The following WASF1 variants were observed in gnomAD, a reference collection of about 807,000 sequenced individuals.
WASF1 encodes actin-binding protein WASF1.
A neutral mutation model predicts 50.5 loss-of-function variants in WASF1; 7 were observed. That is an observed-to-expected ratio of 0.14 (90% confidence interval 0.08 to 0.26). WASF1 has a LOEUF of 0.26. Ranked by LOEUF, WASF1 falls within the 10% of genes least tolerant of loss-of-function variation. The pLI is 1.00. For missense variants in WASF1, 470 were observed against 694.7 expected (o/e 0.68, Z 3.64); for synonymous variants, 205 against 244.0 (o/e 0.84, Z 1.49).
At chr6:110,138,726 T>A (rs1169527680) in intron 3 of WASF1, among the ~76,000 whole-genome samples, 2 of 152,192 alleles carry the variant, frequency 1.3e-5, no homozygotes, top group East Asian at 3.8e-4. Flanking sequence ...AATGTCTGTG[T>A]GAATCTGGCT....
chr6:110,146,915 T>G (rs1350949280), intron 3 of WASF1, among the ~76,000 whole-genome samples: 1 of 152,052 alleles, frequency 6.6e-6, no homozygotes, highest in Non-Finnish European at 1.5e-5. Flanking sequence ...AAAACCAATT[T>G]AGGTACTCAC....
chr6:110,150,303 T>C (rs1295161548), intron 3 of WASF1, among the ~76,000 whole-genome samples: 2 of 152,056 alleles, frequency 1.3e-5, no homozygotes, highest in East Asian at 3.9e-4. Flanking sequence ...AATGAACATA[T>C]AGCTAAGGTC....
chr6:110,169,393 C>T (rs960745126), intron 2 of WASF1, among the ~76,000 whole-genome samples: 2 of 152,124 alleles, frequency 1.3e-5, no homozygotes, highest in Non-Finnish European at 1.5e-5. Context: ...GTAACAGCAC[C>T]AAATCACTTA....
At chr6:110,122,497 T>C (rs1287429259) in intron 4 of WASF1, among the ~76,000 whole-genome samples, 2 of 152,174 alleles carry the variant, frequency 1.3e-5, no homozygotes, top group South Asian at 4.1e-4. Flanking sequence ...TGTGCCCACC[T>C]CTACTACTTC....
At chr6:110,116,706 G>A in intron 4 of WASF1, among the ~76,000 whole-genome samples, 1 of 152,150 alleles carries the variant, frequency 6.6e-6, no homozygotes, top group East Asian at 1.9e-4. Flanking sequence ...CTCCGAGAAC[G>A]GACAGACTGC....
intron 3 of WASF1, among the ~76,000 whole-genome samples, chr6:110,145,283 T>C (rs964278576): frequency 1.3e-5 from 2 of 152,218 alleles, no homozygotes; most frequent in Non-Finnish European, 2.9e-5. Flanking sequence ...TGTATAAGAA[T>C]GCTTGTGATT....
chr6:110,144,629 T>C lies in WASF1; in HGVS notation c.-29+16006A>G, dbSNP rs958398929. On this transcript the variant is annotated intron_variant, in intron 3 of 10. Coordinates refer to ENST00000392589, the MANE Select transcript of WASF1 (RefSeq NM_003931.3). ...GTGTAAGTCTTTAATCCATCTTGAA[T>C]TAATTTTTGTATAAGGTGTAAGGAA... Among the ~76,000 whole-genome samples, 11 of 152,330 alleles carry C rather than the reference T, an allele frequency of 7.2e-5. 1 individual carries two copies. Among genetic ancestry groups the C allele is most frequent in the African/African-American group, 2.4e-4 (10 of 41,572 alleles).
At chr6:110,144,320 T>C (rs929662183) in intron 3 of WASF1, among the ~76,000 whole-genome samples, 11 of 152,230 alleles carry the variant, frequency 7.2e-5, no homozygotes, top group Admixed American at 3.9e-4. Flanking sequence ...GTTTGTTTTT[T>C]TCTTGTAAAT....
chr6:110,129,770 A>G (rs550429890), intron 3 of WASF1, among the ~76,000 whole-genome samples: 2 of 152,344 alleles, frequency 1.3e-5, no homozygotes, highest in Non-Finnish European at 2.9e-5. Flanking sequence ...ATTGATTCCA[A>G]TATCTTCAAT....
chr6:110,111,414 A>G (rs1389657567), intron 5 of WASF1, among the ~76,000 whole-genome samples: 1 of 152,160 alleles, frequency 6.6e-6, no homozygotes, highest in African/African-American at 2.4e-5. Flanking sequence ...TGCAAATCAT[A>G]TATTTGATAA....
At chr6:110,121,325 TAAAC>T (rs1250231887) in intron 4 of WASF1, among the ~76,000 whole-genome samples, 2 of 151,794 alleles carry the variant, frequency 1.3e-5, no homozygotes, top group Non-Finnish European at 2.9e-5. Flanking sequence ...ACAAAGAACT[TAAAC>T]AAATTTATAA....
intron 5 of WASF1, among the ~76,000 whole-genome samples, chr6:110,109,894 T>C (rs1464136974): frequency 6.6e-6 from 1 of 152,042 alleles, no homozygotes; most frequent in Non-Finnish European, 1.5e-5. Flanking sequence ...CTTAAAATAA[T>C]ATTCCTGTCA....
chr6:110,106,681 G>A (rs571761330), intron 7 of WASF1, among the ~76,000 whole-genome samples: 3 of 152,262 alleles, frequency 2.0e-5, no homozygotes, highest in Non-Finnish European at 2.9e-5. Flanking sequence ...CTTAATCTAC[G>A]TTACCAATAT....
intron 3 of WASF1, among the ~76,000 whole-genome samples, chr6:110,146,864 A>T (rs1350294464): frequency 2.6e-5 from 4 of 152,128 alleles, no homozygotes; most frequent in African/African-American, 9.7e-5. Flanking sequence ...AAAACTACTC[A>T]CTACTCATGA....
At position 110,102,226 on chromosome 6, in the gene WASF1, CAA is replaced by C. The variant is rs746201615; in HGVS notation, c.894-12_894-11del. On this transcript the variant is annotated splice_polypyrimidine_tract_variant and intron_variant, in intron 9 of 10. Coordinates refer to ENST00000392589, the MANE Select transcript of WASF1 (RefSeq NM_003931.3). ...CAAACCTGTAGCAGAACTGAAATGA[CAA>C]AGAGATTCTAGCAAGTTATTAAAAG... The C allele has an allele frequency of 2.3e-5, 31 of 1,377,074 alleles. No homozygotes were observed. Among genetic ancestry groups the C allele is most frequent in the East Asian group, 2.7e-5 (1 of 37,688 alleles). 85.3% of individuals were successfully genotyped at this position (1,377,074 alleles called of 1,614,324 possible).
intron 4 of WASF1, among the ~76,000 whole-genome samples, chr6:110,121,016 C>T (rs1365010088): frequency 6.6e-6 from 1 of 152,164 alleles, no homozygotes; most frequent in African/African-American, 2.4e-5. Flanking sequence ...CCCTTCTTTA[C>T]ACCGTATACA....
At chr6:110,166,398 G>T (rs1340562258) in intron 2 of WASF1, among the ~76,000 whole-genome samples, 2 of 151,774 alleles carry the variant, frequency 1.3e-5, no homozygotes, top group Non-Finnish European at 2.9e-5. Flanking sequence ...TCTTTACCAA[G>T]ACTATCCTGA....
At chr6:110,138,685 T>C (rs962638722) in intron 3 of WASF1, among the ~76,000 whole-genome samples, 7 of 152,082 alleles carry the variant, frequency 4.6e-5, no homozygotes, top group Admixed American at 4.6e-4. Context: ...AGACCCAAAG[T>C]GGGTAGCTCC....
chr6:110,131,039 T>C (rs1451665670), intron 3 of WASF1, among the ~76,000 whole-genome samples: 3 of 152,222 alleles, frequency 2.0e-5, no homozygotes, highest in Non-Finnish European at 2.9e-5. Context: ...TTTGTTGTGT[T>C]AGGGCTGATT....
Sources: allele counts gnomAD v4.1 joint callset (sites outside exome capture counted in the v4.1 genomes callset), GRCh38; gene constraint gnomAD v4.1.1; transcripts MANE v1.5; gene names NCBI Gene and HGNC (gene_info 2026-07-23, HGNC 2026-07-21).